The following RNF152 variants were observed in gnomAD, a reference collection of about 807,000 sequenced individuals.
RNF152 encodes E3 ubiquitin-protein ligase RNF152.
Under a neutral mutation model 12.7 loss-of-function variants are expected in RNF152, and 11 were observed. The ratio of observed to expected loss-of-function variants is 0.86; its 90% CI spans 0.54 to 1.43. The LOEUF is 1.43. RNF152 is among the 40% of genes most tolerant of loss of function. The pLI, the probability that RNF152 is intolerant of heterozygous loss-of-function variation, is 0.00. For synonymous variants in RNF152, 113 were observed against 120.3 expected (o/e 0.94, Z 0.40); for missense variants, 255 against 274.8 (o/e 0.93, Z 0.51).
At chr18:61,885,985 C>CTTTT (rs558169838) in intron 1 of RNF152, among the ~76,000 whole-genome samples, 44 of 81,708 alleles carry the variant, frequency 5.4e-4, no homozygotes, top group Non-Finnish European at 7.2e-4. Flanking sequence ...CTTTTGCTTT[C>CTTTT]TTTTTTTTTT....
At chr18:61,832,325 T>A (rs578262363) in intron 1 of RNF152, among the ~76,000 whole-genome samples, 45 of 152,322 alleles carry the variant, frequency 3.0e-4, no homozygotes, top group African/African-American at 1.0e-3. Flanking sequence ...CGCACATGTA[T>A]ATATGTACTA....
rs780179925 is a variant in RNF152, at chr18:61,815,878, G to T, written c.586C>A (p.Arg196Ser). The change falls in exon 2 of 2, where the codon CGC becomes AGC. Residue 196 changes from arginine (R) to serine (S), a missense_variant. By Grantham distance (110) the Arg-to-Ser change is moderately radical. Transcript: ENST00000312828. Reference protein sequence around the residue: ...VLHNMSCISKRFTVISCG With the variant: ...VLHNMSCISKSFTVISCG ...CAGCCACAGGATATCACAGTGAAGC[G>T]CTTAGAAATGCAAGACATGTTGTGA... is the stretch of plus-strand genomic sequence containing the variant. 7.4e-6 allele frequency: 12 copies of T among 1,614,164 alleles called. No homozygotes were observed. Among genetic ancestry groups the T allele is most frequent in the Non-Finnish European group, 1.0e-5 (12 of 1,180,020 alleles).
intron 1 of RNF152, among the ~76,000 whole-genome samples, chr18:61,881,960 A>G (rs1368866729): frequency 1.3e-5 from 2 of 152,236 alleles, no homozygotes; most frequent in Admixed American, 6.5e-5. Context: ...TGTAGGGTGT[A>G]TGAACAATTA....
intron 1 of RNF152, among the ~76,000 whole-genome samples, chr18:61,890,967 C>T (rs1456675569): frequency 6.6e-6 from 1 of 152,162 alleles, no homozygotes; most frequent in Non-Finnish European, 1.5e-5. Flanking sequence ...TTTCTCTCCC[C>T]AGAAGTCCAA....
chr18:61,893,397 C>A, upstream of RNF152: 1 of 152,842 alleles, frequency 6.5e-6, no homozygotes, highest in Non-Finnish European at 1.5e-5. Context: ...GTCACCGTCA[C>A]CTCATCAAGT....
At chr18:61,853,417 GT>G (rs893703053) in intron 1 of RNF152, among the ~76,000 whole-genome samples, 1 of 151,600 alleles carries the variant, frequency 6.6e-6, no homozygotes, top group African/African-American at 2.4e-5. Context: ...AGCCTCCTGA[GT>G]AGCTGAGACT....
Position 61,808,137 on chromosome 18 carries a change from A to G in RNF152, c.*7715T>C, listed in dbSNP as rs1912779835. ...CGGTAGTCATAAAATCAACATTACC[A>G]CATATACAAAGGACAAGACACCAGT... On this transcript the variant is annotated 3_prime_UTR_variant, in exon 2 of 2. Transcript: ENST00000312828. 1 of 152,124 alleles carries G rather than the reference A, an allele frequency of 6.6e-6. No homozygotes were observed. Among genetic ancestry groups the G allele is most frequent in the Admixed American group, 6.6e-5 (1 of 15,264 alleles). 9.4% of individuals were successfully genotyped at this position (152,124 alleles called of 1,614,324 possible). A position where few individuals can be genotyped will look rare whatever the true frequency, so the allele number is the denominator to read the frequency against.
Position 61,813,505 on chromosome 18 carries a change from T to C in RNF152, c.*2347A>G, listed in dbSNP as rs2144604480. On this transcript the variant is annotated 3_prime_UTR_variant, in exon 2 of 2. Transcript: ENST00000312828. ...TAATTTTGCACTGCTTAATGGCAAC[T>C]CTAGCATGGGATTGTTTTTAAGTAA... is the stretch of plus-strand genomic sequence containing the variant. 1 of 152,302 alleles carries C rather than the reference T, an allele frequency of 6.6e-6. No individual in the cohort carries two copies. The highest frequency in any genetic ancestry group is 2.1e-4 in the South Asian group (1 of 4,822). 9.4% of individuals were successfully genotyped at this position (152,302 alleles called of 1,614,324 possible).
intron 1 of RNF152, among the ~76,000 whole-genome samples, chr18:61,858,726 G>A (rs1041498073): frequency 6.6e-6 from 1 of 152,114 alleles, no homozygotes; most frequent in Non-Finnish European, 1.5e-5. Flanking sequence ...CTGGAGAGTG[G>A]CCATCCCCAT....
In RNF152 at chr18:61,811,425, T is replaced by TA. The variant is rs1486037993; in HGVS notation, c.*4426dup. 1 of 152,194 alleles carries TA rather than the reference T, an allele frequency of 6.6e-6. No individual in the cohort carries two copies. The highest frequency in any genetic ancestry group is 2.4e-5 in the African/African-American group (1 of 41,440). 9.4% of individuals were successfully genotyped at this position (152,194 alleles called of 1,614,324 possible). A position where few individuals can be genotyped will look rare whatever the true frequency, so the allele number is the denominator to read the frequency against. Reference sequence around the variant, plus strand: ...TTTCATGGGCAGTATTTTTTACTGTTAAAAAAAGTGCTTTTGTGCAAAGCT... The same window carrying TA: ...TTTCATGGGCAGTATTTTTTACTGTTAAAAAAAAGTGCTTTTGTGCAAAGCT... On this transcript the variant is annotated 3_prime_UTR_variant, in exon 2 of 2. Transcript: ENST00000312828.
chr18:61,832,056 G>A (rs1909977256), intron 1 of RNF152, among the ~76,000 whole-genome samples: 1 of 152,120 alleles, frequency 6.6e-6, no homozygotes, highest in Admixed American at 6.6e-5. Flanking sequence ...TTTTGTTGGA[G>A]TCGTTGCAAT....
intron 1 of RNF152, among the ~76,000 whole-genome samples, chr18:61,845,437 G>A (rs151081890): frequency 2.1e-3 from 321 of 152,354 alleles, no homozygotes; most frequent in Admixed American, 5.9e-3. Flanking sequence ...TCAGGCCGCC[G>A]CTGCTCAAAC....
intron 1 of RNF152, among the ~76,000 whole-genome samples, chr18:61,833,313 C>A (rs1910035511): frequency 6.6e-6 from 1 of 152,136 alleles, no homozygotes; most frequent in Non-Finnish European, 1.5e-5. Flanking sequence ...AACTAATACT[C>A]TCAAGTTATT....
At chr18:61,858,112 T>C (rs1472376846) in intron 1 of RNF152, among the ~76,000 whole-genome samples, 1 of 152,182 alleles carries the variant, frequency 6.6e-6, no homozygotes, top group African/African-American at 2.4e-5. Flanking sequence ...CTACCCCAAT[T>C]TCCAGGACCA....
At chr18:61,846,578 G>A (rs961994129) in intron 1 of RNF152, among the ~76,000 whole-genome samples, 5 of 152,096 alleles carry the variant, frequency 3.3e-5, no homozygotes, top group Admixed American at 6.5e-5. Flanking sequence ...TCCTTTCCCC[G>A]CAACACTCTT....
rs1399840348 is a variant in RNF152 at position 61,815,675 on chromosome 18, T to C, written c.*177A>G. On this transcript the variant is annotated 3_prime_UTR_variant, in exon 2 of 2. Transcript: ENST00000312828. ...ACTCAGAACAATTCACCTGGTATCT[T>C]GTTGAGACCGCACCTTCTGCCCTTT... 1 of 626,250 alleles carries C rather than the reference T, an allele frequency of 1.6e-6. No individual in the cohort carries two copies. The highest frequency in any genetic ancestry group is 1.8e-5 in the African/African-American group (1 of 54,346). The allele number at this position is 626,250 out of a possible 1,614,324, so 38.8% of individuals were successfully genotyped here.
At position 61,856,871 on chromosome 18, in the gene RNF152, A is replaced by G. The variant is rs534022132; in HGVS notation, c.-136+35924T>C. Among the ~76,000 whole-genome samples the G allele has an allele frequency of 2.0e-5, 3 of 152,324 alleles. No homozygotes were observed. In the East Asian group the frequency reaches 5.8e-4, roughly 29 times the overall value. ...CAGGAAAATTGAGGACTAGCTATAA[A>G]GCTCATCTTCAAAAAGCCATAATTA... On this transcript the variant is annotated intron_variant, in intron 1 of 1. Coordinates refer to ENST00000312828, the MANE Select transcript of RNF152 (RefSeq NM_173557.3).
intron 1 of RNF152, among the ~76,000 whole-genome samples, chr18:61,867,408 C>T (rs962682841): frequency 2.0e-5 from 3 of 151,592 alleles, no homozygotes; most frequent in Admixed American, 6.6e-5. Flanking sequence ...GAGGAGACTG[C>T]GCCATTGCAC....
chr18:61,834,304 C>T (rs1910082837), intron 1 of RNF152, among the ~76,000 whole-genome samples: 1 of 152,234 alleles, frequency 6.6e-6, no homozygotes, highest in Non-Finnish European at 1.5e-5. Context: ...ACAGATGAGG[C>T]ACACTGCTTT....
Sources: gnomAD v4.1 joint callset for allele counts (sites outside exome capture counted in the v4.1 genomes callset) on GRCh38, gnomAD v4.1.1 for gene constraint, MANE v1.5 for transcripts, NCBI Gene and HGNC (gene_info 2026-07-23, HGNC 2026-07-21) for gene names.